R3HDM1: variants seen among roughly 807,000 people sequenced by gnomAD.
R3HDM1 encodes R3H domain containing 1, also known as R3H domain-containing protein 1.
A neutral mutation model predicts 141.1 loss-of-function variants in R3HDM1; 46 were observed. That is an observed-to-expected ratio of 0.33 (90% confidence interval 0.26 to 0.42). The LOEUF (loss-of-function observed/expected upper bound fraction) is 0.42. Ranked by LOEUF, R3HDM1 falls within the 10% of genes least tolerant of loss-of-function variation. The pLI is 1.00. For missense variants in R3HDM1, 1,184 were observed against 1,368.3 expected, an observed-to-expected ratio of 0.87 and a Z score of 2.12; for synonymous variants, 435 against 472.9, an observed-to-expected ratio of 0.92 and a Z score of 1.04.
intron 20 of R3HDM1, among the ~76,000 whole-genome samples, chr2:135,678,303 C>T (rs1553617426): frequency 2.0e-5 from 3 of 151,826 alleles, no homozygotes; most frequent in Non-Finnish European, 4.4e-5. Flanking sequence ...GTATAGAGAA[C>T]AGTGAAGTGA....
At chr2:135,696,501 A>G (rs540709557) in intron 21 of R3HDM1, among the ~76,000 whole-genome samples, 9 of 152,130 alleles carry the variant, frequency 5.9e-5, no homozygotes, top group African/African-American at 1.9e-4. Context: ...TGAGTCTTAA[A>G]TTTTTTCTTA....
intron 1 of R3HDM1, chr2:135,581,358 C>T: frequency 1.0e-6 from 1 of 985,186 alleles, no homozygotes; most frequent in Non-Finnish European, 1.2e-6. Flanking sequence ...ACCTGTGGAA[C>T]ATTTCACTTT....
chr2:135,549,618 T>A lies in R3HDM1; in HGVS notation c.-250+17985T>A, dbSNP rs78058581. On this transcript the variant is annotated intron_variant, in intron 1 of 26. Coordinates refer to ENST00000683871, the MANE Select transcript of R3HDM1 (RefSeq NM_001378107.1). ...TGGGGTCTTGCTATATTGCTGAGGC[T>A]GAACTGAAACTCCTGGGCTCAAGGG... 2.7e-4 allele frequency among the ~76,000 whole-genome samples: 41 copies of A among 149,396 alleles called. No individual in the cohort carries two copies. The East Asian group carries it at 7.1e-3, about 26-fold the overall frequency.
At chr2:135,645,299 G>GC in intron 15 of R3HDM1, 80 bp from the exon 16 acceptor site, 1 of 1,234,380 alleles carries the variant, frequency 8.1e-7, no homozygotes, top group Non-Finnish European at 1.1e-6. Flanking sequence ...TTTTGGACAT[G>GC]CTTTGTAAAT....
intron 7 of R3HDM1, chr2:135,622,984 C>G: frequency 1.0e-6 from 1 of 981,688 alleles, no homozygotes; most frequent in South Asian, 4.7e-5. Context: ...TATTTAGGCT[C>G]TTGATTGAGT....
intron 21 of R3HDM1, among the ~76,000 whole-genome samples, chr2:135,686,700 C>T (rs895287426): frequency 5.3e-5 from 8 of 152,138 alleles, no homozygotes; most frequent in Admixed American, 2.0e-4. Flanking sequence ...GATTACGCCA[C>T]TGTATTCCAG....
At chr2:135,628,526 G>A (rs569638438) in intron 7 of R3HDM1, among the ~76,000 whole-genome samples, 1 of 152,188 alleles carries the variant, frequency 6.6e-6, no homozygotes, top group Non-Finnish European at 1.5e-5. Flanking sequence ...AAGAACAATT[G>A]AAATATTCTT....
At position 135,645,037 on chromosome 2, in the gene R3HDM1, G is replaced by A. The variant is rs534104458; in HGVS notation, c.1475-342G>A. Among the ~76,000 whole-genome samples, 32 of 152,280 alleles carry A rather than the reference G, an allele frequency of 2.1e-4. No homozygotes were observed. In the East Asian group the frequency reaches 5.6e-3, roughly 27 times the overall value. On this transcript the variant is annotated intron_variant, in intron 15 of 26. Coordinates refer to ENST00000683871, the MANE Select transcript of R3HDM1 (RefSeq NM_001378107.1). ...ACAGAGGTTGCACTGAGGTGAGATT[G>A]TGCCACTGTACTCCAGCCTGAGCAA...
intron 1 of R3HDM1, chr2:135,543,173 A>G (rs1242041566): frequency 1.4e-6 from 1 of 740,714 alleles, no homozygotes; most frequent in South Asian, 6.2e-5. Context: ...AGGGGTTCAG[A>G]TTTATTTTTA....
rs140817720 is a variant in R3HDM1, at chr2:135,665,944, A to G, written c.2152+4551A>G. ...TTTTTCCAAACGATGATGTTGTTGCATACCTGTGGAAAGCAAAATGATTCT... is the reference window on the plus strand; with the variant it reads ...TTTTTCCAAACGATGATGTTGTTGCGTACCTGTGGAAAGCAAAATGATTCT... On this transcript the variant is annotated intron_variant, in intron 19 of 26. Transcript: ENST00000683871. Among the ~76,000 whole-genome samples, 569 of 152,304 alleles carry G rather than the reference A, an allele frequency of 3.7e-3. 2 individuals carry two copies. The highest frequency in any genetic ancestry group is 0.013 in the African/African-American group (520 of 41,562).
At chr2:135,679,487 C>G (rs1035046210) in intron 20 of R3HDM1, among the ~76,000 whole-genome samples, 1 of 152,172 alleles carries the variant, frequency 6.6e-6, no homozygotes, top group Non-Finnish European at 1.5e-5. Flanking sequence ...GTATTTTAAG[C>G]TCCAAAGCTC....
chr2:135,632,328 T>TAA (rs11335011), intron 9 of R3HDM1, among the ~76,000 whole-genome samples: 10 of 135,858 alleles, frequency 7.4e-5, no homozygotes, highest in Non-Finnish European at 1.3e-4. Flanking sequence ...TAGTCAAATT[T>TAA]AAAAAAAAAA....
intron 3 of R3HDM1, among the ~76,000 whole-genome samples, chr2:135,610,200 A>G (rs1264476355): frequency 1.3e-5 from 2 of 152,220 alleles, no homozygotes; most frequent in Non-Finnish European, 2.9e-5. Flanking sequence ...TACTTAACAA[A>G]TAGTTTGTCC....
chr2:135,555,339 C>T (rs6430579), intron 1 of R3HDM1, among the ~76,000 whole-genome samples: 14,113 of 150,508 alleles, frequency 0.094, 900 homozygotes, highest in South Asian at 0.31. Context: ...TCTGTCCTGA[C>T]GGAAATACAA....
chr2:135,653,922 A>T (rs1160864443), intron 18 of R3HDM1, among the ~76,000 whole-genome samples: 1 of 152,154 alleles, frequency 6.6e-6, no homozygotes, highest in Non-Finnish European at 1.5e-5. Flanking sequence ...TTTTTTGTTC[A>T]GGGTTCTTTT....
chr2:135,600,624 C>T (rs1189887741), intron 1 of R3HDM1, among the ~76,000 whole-genome samples: 1 of 152,168 alleles, frequency 6.6e-6, no homozygotes, highest in African/African-American at 2.4e-5. Context: ...TTTAAATTAT[C>T]GTCTAATGCT....
intron 24 of R3HDM1, among the ~76,000 whole-genome samples, chr2:135,718,483 TTTG>T (rs1272793708): frequency 6.6e-6 from 1 of 151,510 alleles, no homozygotes; most frequent in Non-Finnish European, 1.5e-5. Context: ...TGTTGGTTTG[TTTG>T]TTGTTGTTTG....
At chr2:135,558,173 A>G (rs926037686) in intron 1 of R3HDM1, among the ~76,000 whole-genome samples, 12 of 152,328 alleles carry the variant, frequency 7.9e-5, no homozygotes, top group Admixed American at 3.3e-4. Flanking sequence ...GTACCATCCA[A>G]TAGAGTTGTA....
chr2:135,555,522 A>G lies in R3HDM1; in HGVS notation c.-250+23889A>G, dbSNP rs568561515. Among the ~76,000 whole-genome samples the G allele has an allele frequency of 6.6e-5, 10 of 152,332 alleles. No individual in the cohort carries two copies. In the South Asian group the frequency reaches 1.9e-3, roughly 28 times the overall value. ...CCTCAATTTGTTAAACACTTAAATA[A>G]GTAAACATGAGTTACCCTGTGACCC... is the stretch of plus-strand genomic sequence containing the variant. On this transcript the variant is annotated intron_variant, in intron 1 of 26. Transcript: ENST00000683871.
Sources: gnomAD v4.1 joint callset for allele counts (sites outside exome capture counted in the v4.1 genomes callset) on GRCh38, gnomAD v4.1.1 for gene constraint, MANE v1.5 for transcripts, NCBI Gene and HGNC (gene_info 2026-07-23, HGNC 2026-07-21) for gene names.